SENP1: variants seen among roughly 807,000 people sequenced by gnomAD.
SENP1 encodes the protein sentrin-specific protease 1.
SENP1 carries 21 observed loss-of-function variants against 93.0 expected under a neutral mutation model. The ratio of observed to expected loss-of-function variants is 0.23; its 90% CI spans 0.16 to 0.33. The LOEUF (loss-of-function observed/expected upper bound fraction) is 0.33. Among genes scored for constraint, SENP1 ranks in the 10% least tolerant of loss-of-function variants. SENP1 has a pLI of 1.00. For synonymous variants in SENP1, 256 were observed against 259.6 expected (o/e 0.99, Z 0.13); for missense variants, 591 against 758.7 (o/e 0.78, Z 2.60).
intron 6 of SENP1, chr12:48,081,454 CATT>C (rs1162526488): frequency 6.6e-6 from 1 of 151,836 alleles, no homozygotes; most frequent in African/African-American, 2.4e-5. Flanking sequence ...TCCTTTTCAT[CATT>C]GTTGTCCAGC....
At chr12:48,079,584 AC>A (rs1456146644) in intron 6 of SENP1, among the ~76,000 whole-genome samples, 1 of 152,226 alleles carries the variant, frequency 6.6e-6, no homozygotes, top group African/African-American at 2.4e-5. Flanking sequence ...AGCTAATGTT[AC>A]GTTTTAAAAC....
At position 48,046,391 on chromosome 12, in the gene SENP1, A is replaced by G; in HGVS notation, c.1837T>C (p.Cys613Arg). Reference protein sequence around the residue: ...CGMFACKYADCITKDRPINFT... With the variant: ...CGMFACKYADRITKDRPINFT... Reference sequence around the variant, plus strand: ...TTGATTGGTCTGTCTTTGGTAATACAGTCAGCATATTTGCAGGCAAACATC... The same window carrying G: ...TTGATTGGTCTGTCTTTGGTAATACGGTCAGCATATTTGCAGGCAAACATC... The change falls in exon 17 of 18, where the codon TGT (cysteine) becomes CGT (arginine). Residue 613 changes from cysteine to arginine, a missense_variant. Transcript: ENST00000549518. 6.2e-7 allele frequency: 1 copy of G among 1,613,438 alleles called. No individual in the cohort carries two copies. The highest frequency in any genetic ancestry group is 8.5e-7 in the Non-Finnish European group (1 of 1,179,446).
In SENP1 at chr12:48,065,205, C is replaced by T; in HGVS notation, c.1135G>A (p.Glu379Lys). ...TCTACTGAATCATGTACTGAATGTT[C>T]CCGCTCCTGCAATCTCTGAAAGATA... ...QLQNQRLQER[E>K]HSVHDSVELH... is the part of the protein sequence containing the mutation. The change falls in exon 12 of 18, where the codon GAA becomes AAA. Residue 379 changes from glutamate (E) to lysine (K), a missense_variant. Physicochemically the swap from Glu to Lys is moderately conservative, Grantham distance 56 (BLOSUM62 1). Around this residue, in one of 4 missense-constraint regions of SENP1, gnomAD observed 238 missense variants for 259.1 expected, o/e 0.92. Transcript: ENST00000549518. 1.3e-6 allele frequency: 2 copies of T among 1,599,760 alleles called. No individual in the cohort carries two copies. Among genetic ancestry groups the T allele is most frequent in the South Asian group, 2.2e-5 (2 of 89,654 alleles).
intron 4 of SENP1, among the ~76,000 whole-genome samples, chr12:48,095,136 C>T (rs370186750): frequency 2.0e-5 from 3 of 152,176 alleles, no homozygotes; most frequent in Non-Finnish European, 4.4e-5. Context: ...ATCCTACTAA[C>T]GTCTTTTTAG....
intron 1 of SENP1, chr12:48,105,588 C>T (rs922763200): frequency 2.1e-6 from 1 of 474,754 alleles, no homozygotes; most frequent in South Asian, 1.6e-5. Flanking sequence ...AAATATCACT[C>T]GGGTCTCAAG....
intron 5 of SENP1, chr12:48,085,439 T>A: frequency 1.1e-6 from 1 of 879,444 alleles, no homozygotes; most frequent in Non-Finnish European, 1.8e-6. Context: ...GTGTGAGGAC[T>A]CCTCACAGCC....
intron 13 of SENP1, among the ~76,000 whole-genome samples, chr12:48,056,503 T>C (rs1392533686): frequency 1.1e-5 from 1 of 88,308 alleles, no homozygotes; most frequent in East Asian, 3.6e-4. Flanking sequence ...ATTACATATA[T>C]AAATATATTA....
intron 13 of SENP1, among the ~76,000 whole-genome samples, chr12:48,057,922 C>T (rs1037696133): frequency 7.2e-6 from 1 of 138,990 alleles, no homozygotes; most frequent in Non-Finnish European, 1.5e-5. Context: ...TTAATTTCAC[C>T]TGTTTCATTT....
chr12:48,081,708 C>A (rs1043170306), intron 6 of SENP1, among the ~76,000 whole-genome samples: 5 of 150,734 alleles, frequency 3.3e-5, no homozygotes, highest in Admixed American at 6.7e-5. Context: ...GTAGGTGGAA[C>A]TACAGCCACC....
intron 5 of SENP1, among the ~76,000 whole-genome samples, chr12:48,085,667 C>T (rs1312933501): frequency 7.0e-6 from 1 of 142,714 alleles, no homozygotes; most frequent in East Asian, 2.0e-4. Context: ...TGTGCTGTTA[C>T]ACAGTGTCAT....
intron 4 of SENP1, among the ~76,000 whole-genome samples, chr12:48,095,654 C>T (rs980491575): frequency 2.6e-5 from 4 of 151,676 alleles, no homozygotes; most frequent in Non-Finnish European, 5.9e-5. Flanking sequence ...CCTGGGAAGA[C>T]TACTGTAATC....
At chr12:48,088,063 T>C (rs1029747061) in intron 5 of SENP1, among the ~76,000 whole-genome samples, 3 of 152,080 alleles carry the variant, frequency 2.0e-5, no homozygotes, top group Non-Finnish European at 4.4e-5. Context: ...TATCTTTTTT[T>C]TTTTTTCTGA....
chr12:48,095,535 CAAAAAAAAAAAAA>C (rs3054235), intron 4 of SENP1, among the ~76,000 whole-genome samples: 1 of 85,882 alleles, frequency 1.2e-5, no homozygotes, highest in African/African-American at 4.9e-5. Flanking sequence ...GACTCTGTGT[CAAAAAAAAAAAAA>C]AAAAAAAAAA....
Position 48,045,174 on chromosome 12 carries a change from C to G in SENP1, c.*148G>C. On this transcript the variant is annotated 3_prime_UTR_variant, in exon 18 of 18. Transcript: ENST00000549518. ...AGATACAAAAGGAAAGGCAGATGTGCTTGTGAATGCATCTCGCCAGGGCCT... is the reference window on the plus strand; with the variant it reads ...AGATACAAAAGGAAAGGCAGATGTGGTTGTGAATGCATCTCGCCAGGGCCT... 1 of 628,010 alleles carries G rather than the reference C, an allele frequency of 1.6e-6. No homozygotes were observed. Among genetic ancestry groups the G allele is most frequent in the Admixed American group, 2.6e-5 (1 of 38,640 alleles). 38.9% of individuals were successfully genotyped at this position (628,010 alleles called of 1,614,324 possible).
Position 48,088,970 on chromosome 12 carries a change from T to C in SENP1, c.221-10A>G. 1 of 1,572,460 alleles carries C rather than the reference T, an allele frequency of 6.4e-7. No homozygotes were observed. Among genetic ancestry groups the C allele is most frequent in the Non-Finnish European group, 8.6e-7 (1 of 1,161,288 alleles). On this transcript the variant is annotated splice_polypyrimidine_tract_variant and intron_variant, in intron 4 of 17. Coordinates refer to ENST00000549518, the MANE Select transcript of SENP1 (RefSeq NM_001267594.2). ...TCTGAGGAAGGATTATCTAAAAAAA[T>C]AAAAGTTTGAATAAATTAAACAAAT...
At chr12:48,073,981 A>C (rs746272384) in intron 8 of SENP1, among the ~76,000 whole-genome samples, 1 of 152,244 alleles carries the variant, frequency 6.6e-6, no homozygotes, top group Non-Finnish European at 1.5e-5. Context: ...ATATGTATTT[A>C]AAGTATGTAA....
chr12:48,049,223 T>A, intron 13 of SENP1, 91 bp from the exon 14 acceptor site: 1 of 906,928 alleles, frequency 1.1e-6, no homozygotes, highest in Non-Finnish European at 1.7e-6. Context: ...CATATGTAAT[T>A]GTTTCCTAAT....
rs750982615 is a variant in SENP1, at chr12:48,074,541, A to G, written c.723T>C (p.Cys241=). ...TATCAGAGCCAATGATCTGAGATGCACAAGAGTTTCCATTTTTAAACAGTG... is the reference window on the plus strand; with the variant it reads ...TATCAGAGCCAATGATCTGAGATGCGCAAGAGTTTCCATTTTTAAACAGTG... ...KDSLFKNGNS[C]ASQIIGSDTS... The change falls in exon 8 of 18, where the codon TGT becomes TGC. Residue 241 remains cysteine, a synonymous_variant. Transcript: ENST00000549518. 49 of 1,613,646 alleles carry G rather than the reference A, an allele frequency of 3.0e-5. No individual in the cohort carries two copies. The highest frequency in any genetic ancestry group is 1.1e-4 in the South Asian group (10 of 91,076).
rs1941117519 is a variant in SENP1, at chr12:48,043,293, T to C, written c.*2029A>G. ...AATAAATATTTGTTGCTTTGGTCTG[T>C]ACAAAGTCTGTGAGGAAGGTAAGAC... On this transcript the variant is annotated 3_prime_UTR_variant, in exon 18 of 18. Transcript: ENST00000549518. 1 of 152,658 alleles carries C rather than the reference T, an allele frequency of 6.6e-6. No individual in the cohort carries two copies. The highest frequency in any genetic ancestry group is 1.5e-5 in the Non-Finnish European group (1 of 68,040). The allele number at this position is 152,658 out of a possible 1,614,324, so 9.5% of individuals were successfully genotyped here.
Sources: gnomAD v4.1 joint callset for allele counts (sites outside exome capture counted in the v4.1 genomes callset) on GRCh38, gnomAD v4.1.1 for gene constraint, gnomAD v4.1.1 regional missense constraint, MANE v1.5 for transcripts, NCBI Gene and HGNC (gene_info 2026-07-23, HGNC 2026-07-21) for gene names.